ACSF3: variants seen among roughly 807,000 people sequenced by gnomAD.
The protein encoded by ACSF3 is malonate--CoA ligase ACSF3, mitochondrial.
In ACSF3, 78 loss-of-function variants were observed where a neutral mutation model predicts 53.2. That is an observed-to-expected ratio of 1.47 (90% CI 1.22 to 1.77). The LOEUF is 1.77. ACSF3 is among the 40% of genes most tolerant of loss of function. ACSF3 has a pLI of 0.00. For synonymous variants in ACSF3, 414 were observed against 333.1 expected (o/e 1.24, Z -2.65); for missense variants, 937 against 771.1 (o/e 1.22, Z -2.55).
At chr16:89,139,718 G>A (rs928756318) in intron 8 of ACSF3, among the ~76,000 whole-genome samples, 11 of 149,978 alleles carry the variant, frequency 7.3e-5, no homozygotes, top group Non-Finnish European at 1.3e-4. Flanking sequence ...TCAGCCTCCC[G>A]AGAGTAGCTG....
Position 89,150,881 on chromosome 16 carries a change from A to G in ACSF3, c.1614-3209A>G, listed in dbSNP as rs138612593. 169 of 843,152 alleles carry G rather than the reference A, an allele frequency of 2.0e-4. No homozygotes were observed. The African/African-American group carries it at 2.8e-3, about 14-fold the overall frequency. The allele number at this position is 843,152 out of a possible 1,614,324, so 52.2% of individuals were successfully genotyped here. ...AGTGCTTGTCCATTCACCATGAAAG[A>G]AAGAAGAACAGGAAGGGAGGCAGGA... is the stretch of plus-strand genomic sequence containing the variant. On this transcript the variant is annotated intron_variant, in intron 10 of 10. Transcript: ENST00000614302.
chr16:89,144,018 C>G (rs928874565), intron 8 of ACSF3, among the ~76,000 whole-genome samples: 9 of 152,244 alleles, frequency 5.9e-5, no homozygotes, highest in Non-Finnish European at 1.3e-4. Context: ...CCTTACATGC[C>G]CTGCATGCTC....
chr16:89,143,560 C>T (rs1467893660), intron 8 of ACSF3, among the ~76,000 whole-genome samples: 1 of 152,180 alleles, frequency 6.6e-6, no homozygotes, highest in Non-Finnish European at 1.5e-5. Context: ...AGATTGGTGG[C>T]TGTCTGGTCC....
At chr16:89,099,037 C>T (rs1465738348) in intron 2 of ACSF3, among the ~76,000 whole-genome samples, 1 of 152,260 alleles carries the variant, frequency 6.6e-6, no homozygotes, top group Non-Finnish European at 1.5e-5. Flanking sequence ...GAGGGTGCTT[C>T]CCCCAGGAAG....
chr16:89,141,545 AG>A (rs1385321493), intron 8 of ACSF3, among the ~76,000 whole-genome samples: 3 of 149,590 alleles, frequency 2.0e-5, no homozygotes, highest in Non-Finnish European at 3.0e-5. Flanking sequence ...CCCGGCCTAG[AG>A]GGGGCCTTTG....
In ACSF3 at chr16:89,101,262, A is replaced by C; in HGVS notation, c.581A>C (p.Asn194Thr). ...EVPVPEQGWR[N>T]KGAMIIYTSG... Reference sequence around the variant, plus strand: ...CCGGTCCCAGAGCAGGGATGGAGGAACAAGGGCGCCATGATCATCTACACC... The same window carrying C: ...CCGGTCCCAGAGCAGGGATGGAGGACCAAGGGCGCCATGATCATCTACACC... Residue 194 changes from asparagine to threonine, a missense_variant, in exon 3 of 11, where the codon AAC becomes ACC. Asn to Thr is a moderately conservative substitution (Grantham distance 65). Transcript: ENST00000614302. The C allele has an allele frequency of 6.2e-7, 1 of 1,601,672 alleles. No homozygotes were observed. Among genetic ancestry groups the C allele is most frequent in the Non-Finnish European group, 8.5e-7 (1 of 1,174,560 alleles).
chr16:89,135,529 A>G lies in ACSF3; in HGVS notation c.1366+2267A>G, dbSNP rs571786890. The stretch of plus-strand genomic sequence containing the variant: ...TGGGCTGGACATCAGCAGAGGACCC[A>G]GGGCTGGGGCCCTAGAAGCCTCTCT... On this transcript the variant is annotated intron_variant, in intron 8 of 10. Transcript: ENST00000614302. 8.5e-5 allele frequency among the ~76,000 whole-genome samples: 13 copies of G among 152,380 alleles called. No homozygotes were observed. The East Asian group carries it at 2.1e-3, about 25-fold the overall frequency.
At chr16:89,109,604 GT>G (rs1177646957) in intron 4 of ACSF3, among the ~76,000 whole-genome samples, 1 of 151,858 alleles carries the variant, frequency 6.6e-6, no homozygotes, top group Non-Finnish European at 1.5e-5. Context: ...TAGAGACCAG[GT>G]TTCACCGTGT....
At chr16:89,118,528 G>C (rs1345617196) in intron 6 of ACSF3, among the ~76,000 whole-genome samples, 1 of 151,126 alleles carries the variant, frequency 6.6e-6, no homozygotes. Flanking sequence ...GCTCATGCTT[G>C]GCCTCGCTGC....
rs772073893 is a variant in ACSF3 at position 89,100,926 on chromosome 16, TC to T, written c.246del (p.Cys83AlafsTer35). ...CGCAGCCTTCGCCTGTCCCAGGAGATCTGCAGGCTCTGCGGGTGTGTCGGCG... is the reference window on the plus strand; with the variant it reads ...CGCAGCCTTCGCCTGTCCCAGGAGATTGCAGGCTCTGCGGGTGTGTCGGCG... Reference protein sequence around the residue: ...YSRSLRLSQEICRLCGCVGGD... With the variant: ...YSRSLRLSQEXCRLCGCVGGD... On this transcript the variant is annotated frameshift_variant, in exon 3 of 11. Transcript: ENST00000614302. LOFTEE classifies it high-confidence loss of function. 9.3e-6 allele frequency: 15 copies of T among 1,613,724 alleles called. No homozygotes were observed. The highest frequency in any genetic ancestry group is 2.7e-5 in the African/African-American group (2 of 74,944).
rs899887598 is a variant in ACSF3, at chr16:89,141,113, C to T, written c.1367-4154C>T. ...CCCTCTGAACCTTCTGAGTCGCCCT[C>T]GCTGCCGCAGGACCTCCTCCCGCGG... On this transcript the variant is annotated intron_variant, in intron 8 of 10. Coordinates refer to ENST00000614302, the MANE Select transcript of ACSF3 (RefSeq NM_001243279.3). 13 of 1,287,046 alleles carry T rather than the reference C, an allele frequency of 1.0e-5. No homozygotes were observed. In the Admixed American group the frequency reaches 1.6e-4, roughly 16 times the overall value. The allele number at this position is 1,287,046 out of a possible 1,614,324, so 79.7% of individuals were successfully genotyped here.
intron 1 of ACSF3, among the ~76,000 whole-genome samples, chr16:89,096,751 G>A (rs1400908796): frequency 6.6e-6 from 1 of 152,172 alleles, no homozygotes; most frequent in Non-Finnish European, 1.5e-5. Context: ...GGCCGACTCT[G>A]GCTAGGCCAG....
intron 5 of ACSF3, 59 bp downstream of exon 5, chr16:89,112,305 T>C (rs1451440679): frequency 1.3e-6 from 2 of 1,593,450 alleles, no homozygotes; most frequent in Non-Finnish European, 1.7e-6. Context: ...CAGATACGAC[T>C]TATTTCTAAT....
rs377221075 is a variant in ACSF3, at chr16:89,154,736, T to C, written c.*529T>C. The C allele has an allele frequency of 3.4e-4, 153 of 454,110 alleles. No homozygotes were observed. The highest frequency in any genetic ancestry group is 2.2e-3 in the South Asian group (142 of 64,474). The allele number at this position is 454,110 out of a possible 1,614,324, so 28.1% of individuals were successfully genotyped here. A position where few individuals can be genotyped will look rare whatever the true frequency, so the allele number is the denominator to read the frequency against. ...GCCTCCCAGAACCAGCCCTGTCCCA[T>C]GGGTTCCGTGCATTTCCTGGTGCTG... On this transcript the variant is annotated 3_prime_UTR_variant, in exon 11 of 11. Coordinates refer to ENST00000614302, the MANE Select transcript of ACSF3 (RefSeq NM_001243279.3).
At position 89,103,019 on chromosome 16, in the gene ACSF3, A is replaced by G. The variant is rs549781859; in HGVS notation, c.822+260A>G. On this transcript the variant is annotated intron_variant, in intron 4 of 10. Coordinates refer to ENST00000614302, the MANE Select transcript of ACSF3 (RefSeq NM_001243279.3). ...TTTGCTATACATACGTACCTATGATAAAGCTTAATTTATAAGTTAGGCACA... is the reference window on the plus strand; with the variant it reads ...TTTGCTATACATACGTACCTATGATGAAGCTTAATTTATAAGTTAGGCACA... Among the ~76,000 whole-genome samples the G allele has an allele frequency of 4.6e-5, 7 of 152,340 alleles. No homozygotes were observed. In the East Asian group the frequency reaches 1.3e-3, roughly 29 times the overall value.
intron 4 of ACSF3, among the ~76,000 whole-genome samples, chr16:89,105,668 G>A (rs1975883307): frequency 6.6e-6 from 1 of 152,220 alleles, no homozygotes; most frequent in Non-Finnish European, 1.5e-5. Context: ...CTGAACCTCT[G>A]TTGGGGGCTG....
At chr16:89,106,416 C>T (rs1456043340) in intron 4 of ACSF3, among the ~76,000 whole-genome samples, 1 of 152,108 alleles carries the variant, frequency 6.6e-6, no homozygotes, top group Non-Finnish European at 1.5e-5. Flanking sequence ...CCTCAGCCTC[C>T]TGAGTAGCTG....
At chr16:89,116,781 GC>G (rs1905194662) in intron 6 of ACSF3, among the ~76,000 whole-genome samples, 1 of 152,112 alleles carries the variant, frequency 6.6e-6, no homozygotes, top group Non-Finnish European at 1.5e-5. Context: ...CCCTGGGCCG[GC>G]TCCCGCGTTA....
intron 6 of ACSF3, among the ~76,000 whole-genome samples, chr16:89,119,420 G>A (rs1003443173): frequency 6.6e-6 from 1 of 152,244 alleles, no homozygotes; most frequent in Non-Finnish European, 1.5e-5. Flanking sequence ...TCTGGGGAGG[G>A]AGGGTGTGGC....
Sources: allele counts gnomAD v4.1 joint callset (sites outside exome capture counted in the v4.1 genomes callset), GRCh38; gene constraint gnomAD v4.1.1; transcripts MANE v1.5; gene names NCBI Gene and HGNC (gene_info 2026-07-23, HGNC 2026-07-21).